Variants in SLC14A2 observed in about 807,000 individuals in gnomAD.
SLC14A2 encodes the protein urea transporter 2.
A neutral mutation model predicts 104.6 loss-of-function variants in SLC14A2; 91 were observed. That is an observed-to-expected ratio of 0.87 (90% CI 0.73 to 1.04). The LOEUF is 1.04. SLC14A2 is among the 50% of genes least tolerant of loss of function. SLC14A2 has a pLI of 0.00. For missense variants in SLC14A2, 1,189 were observed against 1,156.0 expected, an observed-to-expected ratio of 1.03 and a Z score of -0.41; for synonymous variants, 476 against 466.4, an observed-to-expected ratio of 1.02 and a Z score of -0.27.
chr18:45,680,739 T>C (rs1487473977), intron 19 of SLC14A2, among the ~76,000 whole-genome samples: 2 of 152,234 alleles, frequency 1.3e-5, no homozygotes, highest in African/African-American at 4.8e-5. Flanking sequence ...TATTTCGCTA[T>C]TGAGGTCTCA....
At chr18:45,488,446 G>A (rs575835745) in intron 2 of SLC14A2, among the ~76,000 whole-genome samples, 83 of 152,306 alleles carry the variant, frequency 5.4e-4, no homozygotes, top group Non-Finnish European at 1.0e-3. Context: ...GCAGGTACTG[G>A]TGGTCAAAAG....
chr18:45,352,804 G>A (rs1250155296), intron 1 of SLC14A2, among the ~76,000 whole-genome samples: 1 of 152,120 alleles, frequency 6.6e-6, no homozygotes, highest in Non-Finnish European at 1.5e-5. Context: ...GTAAAAGGGG[G>A]TGGCAGTGAA....
intron 1 of SLC14A2, among the ~76,000 whole-genome samples, chr18:45,366,545 C>T (rs1347686892): frequency 2.0e-5 from 3 of 152,182 alleles, no homozygotes; most frequent in African/African-American, 7.2e-5. Context: ...TTCTACCTCC[C>T]TTTTCAACAT....
intron 1 of SLC14A2, among the ~76,000 whole-genome samples, chr18:45,305,780 C>T (rs1400011921): frequency 2.0e-5 from 3 of 152,184 alleles, no homozygotes; most frequent in Admixed American, 6.5e-5. Flanking sequence ...ATTTTTATGA[C>T]TCCAAATGAC....
chr18:45,641,789 A>G (rs1393323974), intron 8 of SLC14A2, among the ~76,000 whole-genome samples: 1 of 152,186 alleles, frequency 6.6e-6, no homozygotes, highest in South Asian at 2.1e-4. Flanking sequence ...AGCGTCCACA[A>G]AGGTTGTTGG....
intron 1 of SLC14A2, among the ~76,000 whole-genome samples, chr18:45,427,697 G>C (rs1861466883): frequency 6.6e-6 from 1 of 152,166 alleles, no homozygotes; most frequent in Admixed American, 6.5e-5. Context: ...TTCTCCCAGG[G>C]CTCTTGTGAG....
intron 1 of SLC14A2, among the ~76,000 whole-genome samples, chr18:45,623,168 T>A (rs1362692251): frequency 1.3e-5 from 2 of 152,016 alleles, no homozygotes; most frequent in Admixed American, 1.3e-4. Flanking sequence ...GTGAGCCAAA[T>A]GTGCAAGAGG....
intron 1 of SLC14A2, among the ~76,000 whole-genome samples, chr18:45,461,520 C>T (rs1192302843): frequency 6.6e-6 from 1 of 152,212 alleles, no homozygotes; most frequent in Non-Finnish European, 1.5e-5. Context: ...GGACCTGTCC[C>T]TCCAGTCTGC....
intron 1 of SLC14A2, among the ~76,000 whole-genome samples, chr18:45,481,256 C>T (rs549126879): frequency 6.6e-6 from 1 of 152,166 alleles, no homozygotes; most frequent in African/African-American, 2.4e-5. Context: ...GCCAATAATG[C>T]ACCAGTGATT....
Position 45,324,555 on chromosome 18 carries a change from C to A in SLC14A2, c.-125+111364C>A, listed in dbSNP as rs376885320. ...CTCAGCTCCCCTTCCTCCCCCTCAC[C>A]CCACCCCCTGGGGCTGTTACCCTAT... On this transcript the variant is annotated intron_variant, in intron 1 of 20. Coordinates refer to the SLC14A2 transcript ENST00000586448. Among the ~76,000 whole-genome samples, 4 of 152,184 alleles carry A rather than the reference C, an allele frequency of 2.6e-5. No individual in the cohort carries two copies. The East Asian group carries it at 5.8e-4, about 22-fold the overall frequency.
At chr18:45,446,590 T>A (rs1229465648) in intron 1 of SLC14A2, among the ~76,000 whole-genome samples, 2 of 152,212 alleles carry the variant, frequency 1.3e-5, no homozygotes, top group Non-Finnish European at 2.9e-5. Context: ...AATACAAACA[T>A]GAAAAGCAGA....
intron 1 of SLC14A2, chr18:45,483,140 T>A (rs1432907105): frequency 6.6e-6 from 1 of 152,192 alleles, no homozygotes; most frequent in Non-Finnish European, 1.5e-5. Context: ...CATGTATTGT[T>A]TATAATTTTT....
chr18:45,673,623 G>A lies in SLC14A2; in HGVS notation c.2378-60G>A. The A allele has an allele frequency of 2.5e-6, 4 of 1,575,014 alleles. No individual in the cohort carries two copies. The South Asian group carries it at 4.5e-5, about 18-fold the overall frequency. ...TTTGAGGACTGTGGTAGGTTTCAGG[G>A]CCAGCAGATGGGCCCCATAAGACCC... On this transcript the variant is annotated intron_variant, in intron 17 of 19. Coordinates refer to ENST00000255226, the MANE Select transcript of SLC14A2 (RefSeq NM_007163.4).
chr18:45,422,515 G>A (rs866837940), intron 1 of SLC14A2, among the ~76,000 whole-genome samples: 1 of 152,130 alleles, frequency 6.6e-6, no homozygotes, highest in African/African-American at 2.4e-5. Context: ...AGGTGGAAGG[G>A]GAGGCGTGGA....
chr18:45,638,246 T>C (rs2045456808), intron 6 of SLC14A2, among the ~76,000 whole-genome samples: 1 of 152,140 alleles, frequency 6.6e-6, no homozygotes, highest in Non-Finnish European at 1.5e-5. Context: ...TATAAATAAA[T>C]ATGATTGAGT....
At chr18:45,273,536 C>A (rs944424955) in intron 1 of SLC14A2, among the ~76,000 whole-genome samples, 2 of 152,090 alleles carry the variant, frequency 1.3e-5, no homozygotes, top group Non-Finnish European at 1.5e-5. Context: ...ATACAACCAT[C>A]AAATACTTCT....
intron 15 of SLC14A2, 128 bp from the exon 16 acceptor site, chr18:45,669,178 T>C: frequency 1.3e-6 from 1 of 746,022 alleles, no homozygotes; most frequent in Non-Finnish European, 2.2e-6. Context: ...TCAGGGCCAG[T>C]CAGGCTCCAG....
chr18:45,417,336 A>G (rs2086288817), intron 1 of SLC14A2, among the ~76,000 whole-genome samples: 1 of 152,000 alleles, frequency 6.6e-6, no homozygotes, highest in Non-Finnish European at 1.5e-5. Flanking sequence ...GGCCATTTGT[A>G]TTTGTCCATT....
the SLC14A2 span, among the ~76,000 whole-genome samples, chr18:45,171,700 T>C: frequency 2.0e-5 from 3 of 152,302 alleles, no homozygotes; most frequent in African/African-American, 7.2e-5. Context: ...GCCAATGTTC[T>C]TCCTCTTCTC....
Sources: allele counts gnomAD v4.1 joint callset (sites outside exome capture counted in the v4.1 genomes callset), GRCh38; gene constraint gnomAD v4.1.1; transcripts MANE v1.5; gene names NCBI Gene and HGNC (gene_info 2026-07-23, HGNC 2026-07-21).